RGS7: variants seen among roughly 807,000 people sequenced by gnomAD.
RGS7 encodes regulator of G-protein signaling 7.
Under a neutral mutation model 81.1 loss-of-function variants are expected in RGS7, and 27 were observed. That is an observed-to-expected ratio of 0.33 (90% confidence interval 0.25 to 0.46). The LOEUF is 0.46. RGS7 is among the 20% of genes least tolerant of loss of function. RGS7 has a pLI of 1.00. For synonymous variants in RGS7, 208 were observed against 207.7 expected (o/e 1.00, Z -0.01); for missense variants, 396 against 607.4 (o/e 0.65, Z 3.66).
intron 3 of RGS7, among the ~76,000 whole-genome samples, chr1:241,094,582 G>A (rs1249581390): frequency 1.3e-5 from 2 of 150,718 alleles, no homozygotes; most frequent in East Asian, 1.9e-4. Context: ...ATGGAAACCA[G>A]GAGGTTGAAA....
At chr1:241,140,617 C>A (rs73129636) in intron 2 of RGS7, among the ~76,000 whole-genome samples, 5,966 of 152,036 alleles carry the variant, frequency 0.039, 388 homozygotes, top group African/African-American at 0.14. Context: ...TCCTATGTGA[C>A]CTAGGCTGGT....
At chr1:240,981,907 G>C (rs1684968582) in intron 4 of RGS7, among the ~76,000 whole-genome samples, 1 of 152,170 alleles carries the variant, frequency 6.6e-6, no homozygotes, top group African/African-American at 2.4e-5. Context: ...AATTACCAGA[G>C]GCAGGAACCA....
rs184628563 is a variant in RGS7 at position 241,295,889 on chromosome 1, T to C, written c.78+59810A>G. Among the ~76,000 whole-genome samples, 48 of 152,234 alleles carry C rather than the reference T, an allele frequency of 3.2e-4. 1 individual carries two copies. Among genetic ancestry groups the C allele is most frequent in the African/African-American group, 1.2e-3 (48 of 41,540 alleles). ...GTACAAGACTCAGCCAATGGTTGGG[T>C]ATAAACCGCCTGGGAGAAGACAGGA... On this transcript the variant is annotated intron_variant, in intron 2 of 18. Transcript: ENST00000440928.
intron 3 of RGS7, among the ~76,000 whole-genome samples, chr1:241,082,336 A>G (rs2063181554): frequency 6.6e-6 from 1 of 152,358 alleles, no homozygotes; most frequent in African/African-American, 2.4e-5. Context: ...CAGCACCACA[A>G]GCGACAGCTA....
chr1:241,255,386 T>C (rs2077013758), intron 2 of RGS7, among the ~76,000 whole-genome samples: 1 of 152,224 alleles, frequency 6.6e-6, no homozygotes, highest in Non-Finnish European at 1.5e-5. Flanking sequence ...TAGTTAGTGA[T>C]ACCCATGGCT....
chr1:241,240,166 C>A (rs1453015478), intron 2 of RGS7, among the ~76,000 whole-genome samples: 1 of 152,010 alleles, frequency 6.6e-6, no homozygotes, highest in Non-Finnish European at 1.5e-5. Flanking sequence ...AACACTGAAA[C>A]CAAAGTGTTT....
intron 3 of RGS7, among the ~76,000 whole-genome samples, chr1:241,034,468 T>C (rs2060233945): frequency 6.6e-6 from 1 of 152,178 alleles, no homozygotes; most frequent in Admixed American, 6.5e-5. Flanking sequence ...GGCTTAGAAA[T>C]GTGCGATGGA....
intron 2 of RGS7, among the ~76,000 whole-genome samples, chr1:241,339,179 G>T (rs1010276295): frequency 2.0e-5 from 3 of 152,080 alleles, no homozygotes; most frequent in African/African-American, 7.2e-5. Flanking sequence ...GAGATTGATG[G>T]CTTCCAGCTC....
chr1:241,298,655 T>C (rs2079558934), intron 2 of RGS7, among the ~76,000 whole-genome samples: 1 of 152,160 alleles, frequency 6.6e-6, no homozygotes, highest in Non-Finnish European at 1.5e-5. Context: ...TAGAGAAAAT[T>C]CTGGAGCCTA....
chr1:240,907,394 A>G (rs1670992087), intron 6 of RGS7, among the ~76,000 whole-genome samples: 1 of 151,904 alleles, frequency 6.6e-6, no homozygotes. Context: ...AAATAGTATT[A>G]GTATAGTAAA....
In RGS7 at chr1:241,163,737, G is replaced by GAGTT. The variant is rs1442562744; in HGVS notation, c.79-64979_79-64976dup. Among the ~76,000 whole-genome samples the GAGTT allele has an allele frequency of 2.0e-5, 3 of 151,172 alleles. No homozygotes were observed. Among genetic ancestry groups the GAGTT allele is most frequent in the African/African-American group, 7.4e-5 (3 of 40,500 alleles). On this transcript the variant is annotated intron_variant, in intron 2 of 18. Transcript: ENST00000440928. This position sits in a 1 kb window ranked among gnomAD's most constrained non-coding sequence, Gnocchi z 4.6. ...ACATAAGCTTCTGAACCCCACTGGG[G>GAGTT]AGTTGGGATAATCACTCTGCAGTTT...
At chr1:240,805,768 C>G (rs937442952) in intron 15 of RGS7, among the ~76,000 whole-genome samples, 1 of 151,562 alleles carries the variant, frequency 6.6e-6, no homozygotes, top group African/African-American at 2.4e-5. Context: ...ATTGAAGATG[C>G]CTTAAAGATT....
chr1:240,800,273 T>G (rs1687814910), intron 18 of RGS7, among the ~76,000 whole-genome samples: 1 of 152,140 alleles, frequency 6.6e-6, no homozygotes, highest in Admixed American at 6.6e-5. Context: ...TTTCATAAAA[T>G]TTATTTACAA....
Position 240,898,666 on chromosome 1 carries a change from G to C in RGS7, c.386-28547C>G, listed in dbSNP as rs1386736847. 1.3e-5 allele frequency among the ~76,000 whole-genome samples: 2 copies of C among 152,136 alleles called. 1 individual carries two copies. Among genetic ancestry groups the C allele is most frequent in the Admixed American group, 1.3e-4 (2 of 15,276 alleles). The stretch of plus-strand genomic sequence containing the variant: ...TGAGAGACAGTTTGTTATAATTTCT[G>C]TTCTTTTACATTTGCTGAGGAGTGC... On this transcript the variant is annotated intron_variant, in intron 6 of 18. Transcript: ENST00000440928.
intron 10 of RGS7, among the ~76,000 whole-genome samples, chr1:240,820,358 C>G (rs1691549475): frequency 6.6e-6 from 1 of 152,082 alleles, no homozygotes; most frequent in Admixed American, 6.6e-5. Flanking sequence ...GCAGTGCCAT[C>G]TATTTATTCA....
intron 2 of RGS7, among the ~76,000 whole-genome samples, chr1:241,348,849 T>C (rs1028563039): frequency 2.0e-5 from 3 of 152,224 alleles, no homozygotes; most frequent in Non-Finnish European, 2.9e-5. Flanking sequence ...CAATGCATCC[T>C]ACAGAAGCCT....
At chr1:241,089,856 AT>A in intron 3 of RGS7, among the ~76,000 whole-genome samples, 1 of 151,912 alleles carries the variant, frequency 6.6e-6, no homozygotes, top group Non-Finnish European at 1.5e-5. Context: ...ATACAAAAAA[AT>A]TAGCCGGGCG....
At chr1:241,087,755 C>A (rs890223354) in intron 3 of RGS7, among the ~76,000 whole-genome samples, 2 of 151,958 alleles carry the variant, frequency 1.3e-5, no homozygotes, top group African/African-American at 4.8e-5. Flanking sequence ...TTGAGATCAG[C>A]CCAGGCAACA....
At chr1:241,046,130 T>C (rs2060911211) in intron 3 of RGS7, among the ~76,000 whole-genome samples, 2 of 152,192 alleles carry the variant, frequency 1.3e-5, no homozygotes. Context: ...TGTTTTCTGC[T>C]GAGATTTGGG....
Sources: gnomAD v4.1 joint callset for allele counts (sites outside exome capture counted in the v4.1 genomes callset) on GRCh38, gnomAD v4.1.1 for gene constraint, Gnocchi (gnomAD v3.1) non-coding constraint, MANE v1.5 for transcripts, NCBI Gene and HGNC (gene_info 2026-07-23, HGNC 2026-07-21) for gene names.